The following ATP8B4 variants were observed in gnomAD, a reference collection of about 807,000 sequenced individuals.
The protein encoded by ATP8B4 is probable phospholipid-transporting ATPase IM.
ATP8B4 carries 133 observed loss-of-function variants against 145.6 expected under a neutral mutation model. The observed-to-expected ratio is 0.91, with a 90% confidence interval of 0.79 to 1.05. The LOEUF (loss-of-function observed/expected upper bound fraction) is 1.05, where lower values mean the gene tolerates loss of function less well. Among genes scored for constraint, ATP8B4 ranks in the 50% least tolerant of loss-of-function variants. The pLI, the probability that ATP8B4 is intolerant of heterozygous loss-of-function variation, is 0.00. For synonymous variants in ATP8B4, 507 were observed against 492.9 expected (o/e 1.03, Z -0.38); for missense variants, 1,458 against 1,425.2 (o/e 1.02, Z -0.37).
At chr15:49,930,711 G>A (rs551972395) in intron 16 of ATP8B4, among the ~76,000 whole-genome samples, 4 of 152,098 alleles carry the variant, frequency 2.6e-5, no homozygotes, top group East Asian at 1.9e-4. Flanking sequence ...CAAACTATGC[G>A]AACCTGGGCA....
chr15:49,861,401 A>ATGT lies in ATP8B4; in HGVS notation c.3297+843_3297+844insACA, dbSNP rs1394646242. Among the ~76,000 whole-genome samples, 31 of 112,982 alleles carry ATGT rather than the reference A, an allele frequency of 2.7e-4. 1 individual carries two copies. In the East Asian group the frequency reaches 6.6e-3, roughly 24 times the overall value. The allele number at this position is 112,982 out of a possible 152,430, so 74.1% of individuals were successfully genotyped here. A position where few individuals can be genotyped will look rare whatever the true frequency, so the allele number is the denominator to read the frequency against. On this transcript the variant is annotated intron_variant, in intron 27 of 27. Transcript: ENST00000284509. ...GTCAGAGACATCATGATTAAAAAAA[A>ATGT]ATGTGTGTGTGTGTGTGTGTGTGTC...
At chr15:50,129,828 G>C (rs1461288054) in intron 1 of ATP8B4, among the ~76,000 whole-genome samples, 3 of 151,834 alleles carry the variant, frequency 2.0e-5, no homozygotes, top group Non-Finnish European at 4.4e-5. Context: ...CGTGCCTGTA[G>C]TCCCAGCTAC....
At chr15:50,091,776 A>C (rs1320970158) in intron 2 of ATP8B4, among the ~76,000 whole-genome samples, 1 of 152,132 alleles carries the variant, frequency 6.6e-6, no homozygotes, top group East Asian at 1.9e-4. Flanking sequence ...ATAAAATACT[A>C]ATATTTAATG....
chr15:50,027,528 C>A (rs561451812), intron 6 of ATP8B4, among the ~76,000 whole-genome samples: 1 of 152,178 alleles, frequency 6.6e-6, no homozygotes, highest in Non-Finnish European at 1.5e-5. Flanking sequence ...GAATGAAATT[C>A]GTCCCGTTGC....
intron 1 of ATP8B4, among the ~76,000 whole-genome samples, chr15:50,175,524 A>G (rs999369280): frequency 5.9e-5 from 9 of 152,346 alleles, no homozygotes; most frequent in Middle Eastern, 3.4e-3. Flanking sequence ...AATCCTATCG[A>G]CAAGGGGGCT....
intron 6 of ATP8B4, among the ~76,000 whole-genome samples, chr15:50,025,644 AT>A (rs2049950959): frequency 6.6e-6 from 1 of 152,204 alleles, no homozygotes; most frequent in African/African-American, 2.4e-5. Context: ...CCACAAAAAA[AT>A]ACCTGTCTTT....
At chr15:50,049,908 A>T (rs2052043640) in intron 3 of ATP8B4, among the ~76,000 whole-genome samples, 1 of 151,968 alleles carries the variant, frequency 6.6e-6, no homozygotes, top group South Asian at 2.1e-4. Flanking sequence ...TTTAATGATT[A>T]GTGGTATTTA....
intron 1 of ATP8B4, among the ~76,000 whole-genome samples, chr15:50,151,383 A>G (rs534536633): frequency 6.6e-6 from 1 of 152,312 alleles, no homozygotes; most frequent in Admixed American, 6.5e-5. Context: ...CTATAGTCTT[A>G]AGGTTCCTGG....
At chr15:49,995,978 C>T (rs1239199701) in intron 9 of ATP8B4, among the ~76,000 whole-genome samples, 1 of 152,000 alleles carries the variant, frequency 6.6e-6, no homozygotes, top group African/African-American at 2.4e-5. Context: ...TGCAGATATC[C>T]TTAGAATGGA....
chr15:49,886,557 A>C (rs2036213471), intron 23 of ATP8B4, among the ~76,000 whole-genome samples: 1 of 152,262 alleles, frequency 6.6e-6, no homozygotes, highest in African/African-American at 2.4e-5. Flanking sequence ...TTCTATAATA[A>C]ACTATGGTAG....
chr15:50,157,455 C>T (rs2044436371), intron 1 of ATP8B4, among the ~76,000 whole-genome samples: 1 of 152,146 alleles, frequency 6.6e-6, no homozygotes, highest in African/African-American at 2.4e-5. Flanking sequence ...GATCCCACTT[C>T]TTTCTTTTTT....
intron 6 of ATP8B4, among the ~76,000 whole-genome samples, chr15:50,032,979 G>A (rs1351602275): frequency 6.6e-6 from 1 of 152,042 alleles, no homozygotes; most frequent in Non-Finnish European, 1.5e-5. Context: ...AAATAAAACA[G>A]AATTTTAAAT....
chr15:49,978,436 C>T (rs374921340), intron 12 of ATP8B4, among the ~76,000 whole-genome samples: 2 of 152,176 alleles, frequency 1.3e-5, no homozygotes, highest in African/African-American at 4.8e-5. Flanking sequence ...GAATTTCCCA[C>T]AACTTGGCAT....
intron 14 of ATP8B4, among the ~76,000 whole-genome samples, chr15:49,940,449 G>A (rs1339676393): frequency 6.6e-6 from 1 of 152,068 alleles, no homozygotes; most frequent in African/African-American, 2.4e-5. Flanking sequence ...TCAGTACTAT[G>A]TTCACTCCCT....
At chr15:49,998,922 T>C (rs1881248877) in intron 8 of ATP8B4, among the ~76,000 whole-genome samples, 2 of 152,236 alleles carry the variant, frequency 1.3e-5, no homozygotes, top group South Asian at 4.1e-4. Context: ...TTGTATAAGG[T>C]GTAAGGAAGG....
intron 14 of ATP8B4, among the ~76,000 whole-genome samples, chr15:49,957,765 C>T (rs1269505261): frequency 6.6e-6 from 1 of 151,782 alleles, no homozygotes; most frequent in Non-Finnish European, 1.5e-5. Context: ...CAAAAACTAG[C>T]ATCAATACTC....
At chr15:49,961,270 T>C (rs2044049719) in intron 14 of ATP8B4, among the ~76,000 whole-genome samples, 1 of 152,200 alleles carries the variant, frequency 6.6e-6, no homozygotes, top group Non-Finnish European at 1.5e-5. Flanking sequence ...TCATATAATC[T>C]CATCAAAGAT....
chr15:50,029,974 G>A (rs2050310995), intron 6 of ATP8B4, among the ~76,000 whole-genome samples: 1 of 152,202 alleles, frequency 6.6e-6, no homozygotes, highest in Non-Finnish European at 1.5e-5. Flanking sequence ...AATTTGCTGG[G>A]AGGAAAAATT....
At position 49,996,671 on chromosome 15, in the gene ATP8B4, A is replaced by G; in HGVS notation, c.589+6T>C. ...TTTTGTTTGTTTATCTGTTTAAAAT[A>G]CTTACCATCAAACCCTGCAAGTCTG... On this transcript the variant is annotated splice_donor_region_variant and intron_variant, in intron 9 of 27. Transcript: ENST00000284509. 3 of 1,593,496 alleles carry G rather than the reference A, an allele frequency of 1.9e-6. No homozygotes were observed. The highest frequency in any genetic ancestry group is 2.6e-6 in the Non-Finnish European group (3 of 1,164,124).
Sources: allele counts gnomAD v4.1 joint callset (sites outside exome capture counted in the v4.1 genomes callset), GRCh38; gene constraint gnomAD v4.1.1; transcripts MANE v1.5; gene names NCBI Gene and HGNC (gene_info 2026-07-23, HGNC 2026-07-21).